Variants in SGCZ observed in about 807,000 individuals in gnomAD.
SGCZ encodes the protein sarcoglycan zeta.
In SGCZ, 40 loss-of-function variants were observed where a neutral mutation model predicts 41.3. The ratio of observed to expected loss-of-function variants is 0.97; its 90% CI spans 0.75 to 1.26. SGCZ has a LOEUF of 1.26. Among genes scored for constraint, SGCZ ranks in the 50% most tolerant of loss-of-function variants. The probability of loss-of-function intolerance (pLI) is 0.00; values close to 1 mark genes in which losing one functional copy is unlikely to be tolerated. For missense variants in SGCZ, 552 were observed against 369.8 expected, an observed-to-expected ratio of 1.49 and a Z score of -4.04; for synonymous variants, 206 against 137.5, an observed-to-expected ratio of 1.50 and a Z score of -3.49.
chr8:14,896,030 A>G (rs1181683206), intron 1 of SGCZ, among the ~76,000 whole-genome samples: 1 of 152,184 alleles, frequency 6.6e-6, no homozygotes, highest in East Asian at 1.9e-4. Context: ...CTCTACTTAG[A>G]TCTTTGGACC....
chr8:15,225,158 A>C (rs1443169151), intron 1 of SGCZ, among the ~76,000 whole-genome samples: 1 of 152,196 alleles, frequency 6.6e-6, no homozygotes, highest in East Asian at 1.9e-4. Context: ...GAAACTCAGA[A>C]TATGTACAAA....
chr8:14,722,224 T>C (rs1317336585), intron 1 of SGCZ, among the ~76,000 whole-genome samples: 1 of 152,198 alleles, frequency 6.6e-6, no homozygotes, highest in East Asian at 1.9e-4. Context: ...CATATATTTA[T>C]GTTTATTTAG....
chr8:14,820,759 TA>T (rs1459158421), intron 1 of SGCZ, among the ~76,000 whole-genome samples: 1 of 151,038 alleles, frequency 6.6e-6, no homozygotes, highest in Non-Finnish European at 1.5e-5. Context: ...ATGAAGAAAT[TA>T]AAAGGGATCT....
chr8:15,193,830 A>G (rs183052120), intron 1 of SGCZ, among the ~76,000 whole-genome samples: 56 of 152,294 alleles, frequency 3.7e-4, no homozygotes, highest in African/African-American at 1.3e-3. Context: ...GCAGAGAATC[A>G]CAAACCACGT....
intron 2 of SGCZ, among the ~76,000 whole-genome samples, chr8:14,402,332 C>T (rs548253711): frequency 4.1e-4 from 62 of 151,626 alleles, no homozygotes; most frequent in African/African-American, 1.5e-3. Context: ...GTTGCCATTG[C>T]TTTTGGTGTT....
Position 14,886,017 on chromosome 8 carries a change from AT to A in SGCZ, c.40-331092del, listed in dbSNP as rs1563339145. The stretch of plus-strand genomic sequence containing the variant: ...TATATATATATATATATATATATAT[AT>A]ATATATATATATATATAAAATTGTA... On this transcript the variant is annotated intron_variant, in intron 1 of 7. Transcript: ENST00000382080. Among the ~76,000 whole-genome samples, 75 of 122,092 alleles carry A rather than the reference AT, an allele frequency of 6.1e-4. 2 individuals carry two copies. Among genetic ancestry groups the A allele is most frequent in the African/African-American group, 2.1e-3 (69 of 32,540 alleles). The allele number at this position is 122,092 out of a possible 152,430, so 80.1% of individuals were successfully genotyped here.
intron 3 of SGCZ, among the ~76,000 whole-genome samples, chr8:14,260,675 T>C (rs1350112931): frequency 1.3e-5 from 2 of 152,054 alleles, no homozygotes; most frequent in African/African-American, 2.4e-5. Flanking sequence ...TTATTCTCAA[T>C]AGCAAAGACT....
chr8:15,220,486 T>A (rs1201267525), intron 1 of SGCZ, among the ~76,000 whole-genome samples: 3 of 152,088 alleles, frequency 2.0e-5, no homozygotes, highest in Admixed American at 2.0e-4. Context: ...CAATTCTGAT[T>A]AAAATCAGAG....
rs1201785635 is a variant in SGCZ at position 14,551,567 on chromosome 8, ATAAT to A, written c.234+3161_234+3164del. Reference sequence around the variant, plus strand: ...AATATATATAATATATATTATATATATAATATATATATAATATATATAATATATA... The same window carrying A: ...AATATATATAATATATATTATATATAATATATATAATATATATAATATATA... On this transcript the variant is annotated intron_variant, in intron 2 of 7. Coordinates refer to ENST00000382080, the MANE Select transcript of SGCZ (RefSeq NM_139167.4). Among the ~76,000 whole-genome samples, 74 of 23,652 alleles carry A rather than the reference ATAAT, an allele frequency of 3.1e-3. 4 individuals carry two copies. Among genetic ancestry groups the A allele is most frequent in the African/African-American group, 0.013 (48 of 3,580 alleles). The allele number at this position is 23,652 out of a possible 152,430, so 15.5% of individuals were successfully genotyped here.
intron 5 of SGCZ, among the ~76,000 whole-genome samples, chr8:14,114,512 T>A (rs1400779559): frequency 6.6e-6 from 1 of 151,990 alleles, no homozygotes; most frequent in Non-Finnish European, 1.5e-5. Flanking sequence ...TTTCAAAATC[T>A]GTTTGGACTT....
At position 14,809,095 on chromosome 8, in the gene SGCZ, G is replaced by T. The variant is rs556929885; in HGVS notation, c.40-254169C>A. On this transcript the variant is annotated intron_variant, in intron 1 of 7. Transcript: ENST00000382080. ...GGGACTGTTGTGGGGTGGGTGGAGG[G>T]GGGAGGGATAGCATTGGGAGATATA... 3.3e-3 allele frequency among the ~76,000 whole-genome samples: 485 copies of T among 145,644 alleles called. 3 individuals are homozygous for T. Among genetic ancestry groups the T allele is most frequent in the Non-Finnish European group, 5.2e-3 (348 of 67,474 alleles).
At chr8:14,605,296 T>C (rs1024145419) in intron 1 of SGCZ, among the ~76,000 whole-genome samples, 2 of 152,050 alleles carry the variant, frequency 1.3e-5, no homozygotes, top group African/African-American at 2.4e-5. Context: ...AGTGAGTGTA[T>C]ATATTTATGG....
At chr8:14,423,771 G>A (rs553783087) in intron 2 of SGCZ, among the ~76,000 whole-genome samples, 53 of 151,250 alleles carry the variant, frequency 3.5e-4, no homozygotes, top group African/African-American at 1.2e-3. Flanking sequence ...CCTTCCTTCC[G>A]TCCCCCCATC....
intron 1 of SGCZ, among the ~76,000 whole-genome samples, chr8:14,815,614 T>A (rs1046050111): frequency 6.6e-6 from 1 of 152,178 alleles, no homozygotes; most frequent in Non-Finnish European, 1.5e-5. Context: ...ACACAGAGTA[T>A]GTATAGAAAT....
intron 1 of SGCZ, among the ~76,000 whole-genome samples, chr8:14,666,460 C>A (rs1223401730): frequency 6.6e-6 from 1 of 152,110 alleles, no homozygotes; most frequent in Non-Finnish European, 1.5e-5. Context: ...GTCCTTTCAA[C>A]CTAAGAATCT....
At chr8:14,616,675 T>G (rs745367818) in intron 1 of SGCZ, among the ~76,000 whole-genome samples, 1 of 152,158 alleles carries the variant, frequency 6.6e-6, no homozygotes, top group Admixed American at 6.5e-5. Context: ...AAATTGAGTA[T>G]GTTAGTCAAC....
intron 1 of SGCZ, among the ~76,000 whole-genome samples, chr8:14,840,777 C>T (rs1245853928): frequency 6.6e-6 from 1 of 152,090 alleles, no homozygotes; most frequent in African/African-American, 2.4e-5. Context: ...TTTGATTAGA[C>T]AGCATCTACT....
intron 1 of SGCZ, among the ~76,000 whole-genome samples, chr8:14,964,372 A>G (rs1801064407): frequency 6.6e-6 from 1 of 152,212 alleles, no homozygotes; most frequent in Non-Finnish European, 1.5e-5. Context: ...ATGCCTTGAT[A>G]TAAAGAAGAA....
intron 3 of SGCZ, among the ~76,000 whole-genome samples, chr8:14,265,906 G>A (rs1236195823): frequency 6.6e-6 from 1 of 151,774 alleles, no homozygotes. Flanking sequence ...TGAAGTCAGG[G>A]AGAGGAGATT....
Sources: gnomAD v4.1 joint callset for allele counts (sites outside exome capture counted in the v4.1 genomes callset) on GRCh38, gnomAD v4.1.1 for gene constraint, MANE v1.5 for transcripts, NCBI Gene and HGNC (gene_info 2026-07-23, HGNC 2026-07-21) for gene names.